Variants in LYPD6B observed in about 807,000 individuals in gnomAD.
LYPD6B encodes LY6/PLAUR domain containing 6B.
Under a neutral mutation model 22.8 loss-of-function variants are expected in LYPD6B, and 17 were observed. That is an observed-to-expected ratio of 0.75 (90% CI 0.51 to 1.12). LYPD6B has a LOEUF of 1.12. Among genes scored for constraint, LYPD6B ranks in the 50% most tolerant of loss-of-function variants. The pLI is 0.00. For missense variants in LYPD6B, 221 were observed against 258.3 expected, an observed-to-expected ratio of 0.86 and a Z score of 0.99; for synonymous variants, 106 against 91.6, an observed-to-expected ratio of 1.16 and a Z score of -0.90.
chr2:149,139,830 G>A (rs141791105), intron 2 of LYPD6B, among the ~76,000 whole-genome samples: 9 of 152,248 alleles, frequency 5.9e-5, no homozygotes, highest in African/African-American at 1.9e-4. Flanking sequence ...TAGGTAATAT[G>A]GACATAGTTG....
At chr2:149,212,380 CAAAAAAAA>C (rs386391473) in intron 5 of LYPD6B, among the ~76,000 whole-genome samples, 5 of 60,102 alleles carry the variant, frequency 8.3e-5, no homozygotes, top group Admixed American at 7.7e-4. Context: ...GACTCCGTCT[CAAAAAAAA>C]AAAAAAAAAA....
intron 3 of LYPD6B, among the ~76,000 whole-genome samples, chr2:149,198,851 T>C (rs1330424109): frequency 3.9e-5 from 6 of 152,220 alleles, no homozygotes; most frequent in Non-Finnish European, 8.8e-5. Context: ...TATGACTCTT[T>C]ATGGAATAAC....
chr2:149,193,220 A>C (rs1692605817), intron 3 of LYPD6B, among the ~76,000 whole-genome samples: 1 of 152,150 alleles, frequency 6.6e-6, no homozygotes, highest in Admixed American at 6.6e-5. Context: ...GAATCTCTGC[A>C]TTCATTAATA....
At chr2:149,164,419 T>C (rs1036317650) in intron 3 of LYPD6B, among the ~76,000 whole-genome samples, 2 of 152,112 alleles carry the variant, frequency 1.3e-5, no homozygotes, top group Non-Finnish European at 2.9e-5. Flanking sequence ...TATGACATGA[T>C]TGGTTCTGAC....
intron 2 of LYPD6B, among the ~76,000 whole-genome samples, chr2:149,141,170 C>T (rs968446727): frequency 6.6e-6 from 1 of 152,092 alleles, no homozygotes; most frequent in African/African-American, 2.4e-5. Flanking sequence ...CTGGTCAGGG[C>T]AGGCTTTTGT....
intron 3 of LYPD6B, among the ~76,000 whole-genome samples, chr2:149,177,841 T>G (rs1486164517): frequency 6.6e-6 from 1 of 151,424 alleles, no homozygotes; most frequent in Non-Finnish European, 1.5e-5. Flanking sequence ...AAGAGTTTTT[T>G]TTTTTTTTTT....
At chr2:149,069,219 T>C in intron 1 of LYPD6B, among the ~76,000 whole-genome samples, 1 of 152,126 alleles carries the variant, frequency 6.6e-6, no homozygotes. Context: ...GGCAGAATTA[T>C]GACTAGTCAT....
At chr2:149,125,131 G>A (rs1046651139) in intron 1 of LYPD6B, among the ~76,000 whole-genome samples, 1 of 151,948 alleles carries the variant, frequency 6.6e-6, no homozygotes. Flanking sequence ...CCTCATTTCC[G>A]CCATCCCAAA....
chr2:149,118,436 C>T (rs773534190), intron 1 of LYPD6B, among the ~76,000 whole-genome samples: 10 of 152,288 alleles, frequency 6.6e-5, no homozygotes, highest in East Asian at 5.8e-4. Context: ...ACTATTTGCT[C>T]GAGTAAGGCT....
At chr2:149,141,173 GC>G (rs1202656686) in intron 2 of LYPD6B, among the ~76,000 whole-genome samples, 3 of 152,176 alleles carry the variant, frequency 2.0e-5, no homozygotes, top group Non-Finnish European at 2.9e-5. Context: ...GTCAGGGCAG[GC>G]TTTTGTGACT....
At chr2:149,050,993 C>T (rs1202130753) in intron 1 of LYPD6B, among the ~76,000 whole-genome samples, 3 of 151,708 alleles carry the variant, frequency 2.0e-5, no homozygotes, top group African/African-American at 2.4e-5. Context: ...GAAATAGTCA[C>T]GGTTTGCATT....
At chr2:149,040,615 C>G (rs555425773) in intron 1 of LYPD6B, among the ~76,000 whole-genome samples, 1 of 152,156 alleles carries the variant, frequency 6.6e-6, no homozygotes. Flanking sequence ...GGAATGGGCA[C>G]ATGACCGACT....
At chr2:149,175,061 C>CTCTCTCTCTGTGTGTGTGTG (rs1454802925) in intron 3 of LYPD6B, among the ~76,000 whole-genome samples, 11 of 113,000 alleles carry the variant, frequency 9.7e-5, no homozygotes, top group Admixed American at 2.0e-4. Flanking sequence ...CTCTCTCTCT[C>CTCTCTCTCTGTGTGTGTGTG]TGTGTGTGTG....
chr2:149,164,314 A>C (rs1229677882), intron 3 of LYPD6B, among the ~76,000 whole-genome samples: 2 of 152,108 alleles, frequency 1.3e-5, no homozygotes, highest in African/African-American at 2.4e-5. Flanking sequence ...TTGGGGTGGC[A>C]TATCCTGAAG....
chr2:149,166,447 C>T (rs975410440), intron 3 of LYPD6B, among the ~76,000 whole-genome samples: 1 of 152,096 alleles, frequency 6.6e-6, no homozygotes, highest in African/African-American at 2.4e-5. Context: ...AAATTAGGGA[C>T]CCTTTCTGTT....
rs183260094 is a variant in LYPD6B at position 149,184,056 on chromosome 2, G to A, written c.78-21197G>A. 2.6e-3 allele frequency among the ~76,000 whole-genome samples: 402 copies of A among 152,168 alleles called. 2 individuals are homozygous for A. The highest frequency in any genetic ancestry group is 9.4e-3 in the African/African-American group (389 of 41,512). ...AAAAATACAAAATTAGCCGGGCATG[G>A]TGGCGCATGCCTGTGATCCCAGCTA... On this transcript the variant is annotated intron_variant, in intron 3 of 6. Coordinates refer to ENST00000409642, the MANE Select transcript of LYPD6B (RefSeq NM_177964.5).
intron 1 of LYPD6B, among the ~76,000 whole-genome samples, chr2:149,040,946 A>G (rs1332906550): frequency 6.6e-6 from 1 of 152,196 alleles, no homozygotes; most frequent in Non-Finnish European, 1.5e-5. Flanking sequence ...GCTTTTGAGA[A>G]GCTCACAGTC....
At chr2:149,077,269 T>G (rs1444137861) in intron 1 of LYPD6B, among the ~76,000 whole-genome samples, 1 of 152,102 alleles carries the variant, frequency 6.6e-6, no homozygotes, top group African/African-American at 2.4e-5. Flanking sequence ...CCCAGTCAGG[T>G]CTTTGTAGAA....
At chr2:149,179,614 T>C (rs1291660301) in intron 3 of LYPD6B, among the ~76,000 whole-genome samples, 1 of 152,206 alleles carries the variant, frequency 6.6e-6, no homozygotes, top group Non-Finnish European at 1.5e-5. Context: ...AACCAGGCAT[T>C]CAGAATATCC....
Sources: gnomAD v4.1 joint callset for allele counts (sites outside exome capture counted in the v4.1 genomes callset) on GRCh38, gnomAD v4.1.1 for gene constraint, MANE v1.5 for transcripts, NCBI Gene and HGNC (gene_info 2026-07-23, HGNC 2026-07-21) for gene names.